PPARGC1A: variants seen among roughly 807,000 people sequenced by gnomAD.
PPARGC1A encodes the protein peroxisome proliferator-activated receptor gamma coactivator 1-alpha.
PPARGC1A carries 25 observed loss-of-function variants against 88.7 expected under a neutral mutation model. The observed-to-expected ratio is 0.28, with a 90% CI of 0.21 to 0.39. The LOEUF (loss-of-function observed/expected upper bound fraction) is 0.39, where lower values mean the gene tolerates loss of function less well. Ranked by LOEUF, PPARGC1A falls within the 10% of genes least tolerant of loss-of-function variation. PPARGC1A has a pLI of 1.00. For synonymous variants in PPARGC1A, 363 were observed against 355.6 expected (o/e 1.02, Z -0.24); for missense variants, 880 against 968.7 (o/e 0.91, Z 1.22).
the PPARGC1A span, among the ~76,000 whole-genome samples, chr4:24,314,389 GAACT>G: frequency 3.9e-5 from 6 of 152,170 alleles, no homozygotes; most frequent in Admixed American, 3.9e-4. Flanking sequence ...GGGCTGGAGG[GAACT>G]AACTTAGTCC....
At chr4:23,831,870 G>T in intron 2 of PPARGC1A, 119 bp from the exon 3 acceptor site, 1 of 766,792 alleles carries the variant, frequency 1.3e-6, no homozygotes, top group Non-Finnish European at 2.1e-6. Flanking sequence ...GCCCATTCCA[G>T]AACACAAAGA....
chr4:23,889,600 A>G (rs1387014493), intron 1 of PPARGC1A, among the ~76,000 whole-genome samples: 1 of 152,190 alleles, frequency 6.6e-6, no homozygotes, highest in Non-Finnish European at 1.5e-5. Flanking sequence ...ATTCATATCA[A>G]TATCTTAGAG....
Position 23,811,405 on chromosome 4 carries a change from G to T in PPARGC1A, c.2019+1342C>A, listed in dbSNP as rs550383315. Among the ~76,000 whole-genome samples the T allele has an allele frequency of 4.6e-5, 7 of 152,278 alleles. No individual in the cohort carries two copies. The East Asian group carries it at 1.3e-3, about 29-fold the overall frequency. On this transcript the variant is annotated intron_variant, in intron 10 of 12. Transcript: ENST00000264867. ...AGCTGATCTTCACTGAGCTAACTCT[G>T]AGTGGCTAGCACACAGGGAGCAGCT...
At chr4:24,107,862 G>C in the PPARGC1A span, among the ~76,000 whole-genome samples, 1 of 152,312 alleles carries the variant, frequency 6.6e-6, no homozygotes, top group South Asian at 2.1e-4. Flanking sequence ...TTTCAGAATG[G>C]ATGAGACTGT....
the PPARGC1A span, among the ~76,000 whole-genome samples, chr4:24,079,780 A>T: frequency 6.6e-6 from 1 of 152,078 alleles, no homozygotes; most frequent in Admixed American, 6.6e-5. Flanking sequence ...CCAGTCAATC[A>T]GGTAACTCAA....
At chr4:24,028,513 A>G in the PPARGC1A span, among the ~76,000 whole-genome samples, 85 of 152,192 alleles carry the variant, frequency 5.6e-4, no homozygotes, top group Non-Finnish European at 1.2e-3. Flanking sequence ...AATGACAGAG[A>G]AAAGACTTGC....
At chr4:24,078,088 G>A in the PPARGC1A span, among the ~76,000 whole-genome samples, 652 of 137,772 alleles carry the variant, frequency 4.7e-3, 8 homozygotes, top group Non-Finnish European at 5.6e-3. Flanking sequence ...GCCCTGCACT[G>A]CCTCAGTTTC....
Position 23,890,009 on chromosome 4 carries a change from C to G in PPARGC1A, c.-52G>C, listed in dbSNP as rs1717586456. 1 of 1,610,622 alleles carries G rather than the reference C, an allele frequency of 6.2e-7. No individual in the cohort carries two copies. Among genetic ancestry groups the G allele is most frequent in the Non-Finnish European group, 8.5e-7 (1 of 1,178,378 alleles). The stretch of plus-strand genomic sequence containing the variant: ...CTTTTTCAACTCCAATCCACAGTGA[C>G]ACAGAGCACACACTCATGCAGGCAA... On this transcript the variant is annotated 5_prime_UTR_variant, in exon 1 of 13. Coordinates refer to ENST00000264867, the MANE Select transcript of PPARGC1A (RefSeq NM_013261.5).
the PPARGC1A span, among the ~76,000 whole-genome samples, chr4:24,111,855 C>T: frequency 1.5e-4 from 23 of 152,290 alleles, no homozygotes; most frequent in South Asian, 3.5e-3. Flanking sequence ...TATAGCCACA[C>T]ATATATAGCT....
chr4:23,873,203 T>TAAAAA (rs1560487976), intron 2 of PPARGC1A, among the ~76,000 whole-genome samples: 1 of 109,072 alleles, frequency 9.2e-6, no homozygotes, highest in Non-Finnish European at 1.9e-5. Context: ...GTCTCAAAAA[T>TAAAAA]AAAAAATAAA....
chr4:24,289,656 C>T, the PPARGC1A span, among the ~76,000 whole-genome samples: 27 of 152,180 alleles, frequency 1.8e-4, no homozygotes, highest in Non-Finnish European at 4.4e-5. Flanking sequence ...AATCTGGCAT[C>T]TATTTGTACT....
At chr4:23,910,375 ATT>A in the PPARGC1A span, among the ~76,000 whole-genome samples, 1 of 104,992 alleles carries the variant, frequency 9.5e-6, no homozygotes, top group Non-Finnish European at 1.8e-5. Context: ...ATTATATTAT[ATT>A]ATATATATTA....
At chr4:24,011,531 T>G in the PPARGC1A span, among the ~76,000 whole-genome samples, 1 of 152,214 alleles carries the variant, frequency 6.6e-6, no homozygotes, top group Non-Finnish European at 1.5e-5. Context: ...CTGTGACCTC[T>G]GGTGAGAGTC....
the PPARGC1A span, among the ~76,000 whole-genome samples, chr4:24,009,150 A>AAAAAAAAG: frequency 1.0e-3 from 80 of 79,796 alleles, no homozygotes; most frequent in African/African-American, 3.5e-3. Flanking sequence ...AAAAAAAAAA[A>AAAAAAAAG]AGAGAGAGAA....
chr4:24,294,535 A>C, the PPARGC1A span, among the ~76,000 whole-genome samples: 1 of 152,168 alleles, frequency 6.6e-6, no homozygotes. Flanking sequence ...TTAAAGAATA[A>C]GTGAGAATTA....
At chr4:24,329,139 G>A in the PPARGC1A span, among the ~76,000 whole-genome samples, 4 of 152,088 alleles carry the variant, frequency 2.6e-5, no homozygotes, top group Non-Finnish European at 5.9e-5. Flanking sequence ...TGTCCAGACT[G>A]ACCCAGGGTG....
the PPARGC1A span, among the ~76,000 whole-genome samples, chr4:24,379,495 T>C: frequency 6.6e-6 from 1 of 152,116 alleles, no homozygotes; most frequent in Non-Finnish European, 1.5e-5. Context: ...ATACTGATCA[T>C]TATACATTCT....
chr4:24,345,654 C>G, the PPARGC1A span, among the ~76,000 whole-genome samples: 17 of 152,146 alleles, frequency 1.1e-4, no homozygotes, highest in African/African-American at 3.9e-4. Context: ...TTGCTGAATT[C>G]TTTTATTAGT....
the PPARGC1A span, among the ~76,000 whole-genome samples, chr4:24,135,578 A>T: frequency 2.0e-5 from 3 of 152,132 alleles, no homozygotes; most frequent in African/African-American, 4.8e-5. Context: ...AAAGGGTAAC[A>T]CTAGTAGAGT....
Sources: allele counts gnomAD v4.1 joint callset (sites outside exome capture counted in the v4.1 genomes callset), GRCh38; gene constraint gnomAD v4.1.1; transcripts MANE v1.5; gene names NCBI Gene and HGNC (gene_info 2026-07-23, HGNC 2026-07-21).